IRAK3: variants seen among roughly 807,000 people sequenced by gnomAD.
IRAK3 encodes the protein interleukin-1 receptor-associated kinase 3.
IRAK3 carries 57 observed loss-of-function variants against 56.6 expected under a neutral mutation model. The ratio of observed to expected loss-of-function variants is 1.01; its 90% CI spans 0.81 to 1.26. IRAK3 has a LOEUF of 1.26. Among genes scored for constraint, IRAK3 ranks in the 50% most tolerant of loss-of-function variants. The pLI is 0.00. For missense variants in IRAK3, 703 were observed against 719.0 expected (o/e 0.98, Z 0.25); for synonymous variants, 258 against 255.7 (o/e 1.01, Z -0.09).
chr12:66,247,442 A>T (rs1284656305), intron 11 of IRAK3, among the ~76,000 whole-genome samples: 1 of 152,222 alleles, frequency 6.6e-6, no homozygotes, highest in Non-Finnish European at 1.5e-5. Flanking sequence ...GTTGGTGGCA[A>T]ATCTGAGGCT....
chr12:66,240,670 C>A (rs570358002), intron 8 of IRAK3, among the ~76,000 whole-genome samples: 5 of 151,854 alleles, frequency 3.3e-5, no homozygotes, highest in Admixed American at 2.0e-4. Context: ...CCAGAGGGGC[C>A]GTTGGGTCCT....
chr12:66,245,482 A>T (rs2053020540), intron 11 of IRAK3, among the ~76,000 whole-genome samples: 1 of 151,510 alleles, frequency 6.6e-6, no homozygotes. Context: ...CAAAAAATTT[A>T]ATGTAAAGAC....
Position 66,247,856 on chromosome 12 carries a change from T to G in IRAK3, c.1476T>G (p.Ser492=), listed in dbSNP as rs1406432087. 12 of 1,614,068 alleles carry G rather than the reference T, an allele frequency of 7.4e-6. No individual in the cohort carries two copies. Among genetic ancestry groups the G allele is most frequent in the Non-Finnish European group, 8.5e-6 (10 of 1,180,014 alleles). The part of the protein sequence containing the change: ...DESQNNNLLP[S]DEGLRIDRMT... ...GCCAGAATAACAATTTACTACCTTCTGATGAAGGCCTGAGGATAGACAGAA... is the reference window on the plus strand; with the variant it reads ...GCCAGAATAACAATTTACTACCTTCGGATGAAGGCCTGAGGATAGACAGAA... Residue 492 remains serine, a synonymous_variant, in exon 12 of 12, where the codon TCT becomes TCG. Coordinates refer to ENST00000261233, the MANE Select transcript of IRAK3 (RefSeq NM_007199.3).
intron 1 of IRAK3, among the ~76,000 whole-genome samples, chr12:66,192,909 C>T (rs887145003): frequency 6.6e-6 from 1 of 152,128 alleles, no homozygotes; most frequent in Admixed American, 6.5e-5. Flanking sequence ...TTCTAAATGG[C>T]ACACTAAGAT....
At chr12:66,220,514 CT>C (rs1555203808) in intron 6 of IRAK3, among the ~76,000 whole-genome samples, 120 of 67,316 alleles carry the variant, frequency 1.8e-3, no homozygotes, top group African/African-American at 2.9e-3. Flanking sequence ...GTTCTTCTTT[CT>C]TTTTTTTTTT....
chr12:66,245,849 C>T (rs2053027824), intron 11 of IRAK3, among the ~76,000 whole-genome samples: 1 of 152,022 alleles, frequency 6.6e-6, no homozygotes. Context: ...ATATATTTTC[C>T]TTATCCATTT....
chr12:66,196,802 A>C, intron 1 of IRAK3: 1 of 1,379,874 alleles, frequency 7.2e-7, no homozygotes, highest in Non-Finnish European at 9.5e-7. Context: ...TTTAACCTTA[A>C]AAGTTCTTTT....
chr12:66,243,720 T>C (rs2052996739), intron 8 of IRAK3, among the ~76,000 whole-genome samples: 1 of 152,164 alleles, frequency 6.6e-6, no homozygotes, highest in African/African-American at 2.4e-5. Context: ...CGAAGGAAAC[T>C]GTGGGTGGTC....
chr12:66,249,194 C>CGCTCT lies in IRAK3; in HGVS notation c.*1025_*1029dup, dbSNP rs1303419428. ...TCTTTTTTTTTTTGAGACGGAGTCT[C>CGCTCT]GCTCTGTCATCCAGGCTGGAGTGCA... is the stretch of plus-strand genomic sequence containing the variant. On this transcript the variant is annotated 3_prime_UTR_variant, in exon 12 of 12. Transcript: ENST00000261233. 6.6e-6 allele frequency: 1 copy of CGCTCT among 151,586 alleles called. No homozygotes were observed. Among genetic ancestry groups the CGCTCT allele is most frequent in the Non-Finnish European group, 1.5e-5 (1 of 67,974 alleles). The allele number at this position is 151,586 out of a possible 1,614,324, so 9.4% of individuals were successfully genotyped here.
rs745761126 is a variant in IRAK3 at position 66,203,884 on chromosome 12, A to ATGG, written c.307_308insTGG (p.Thr103delinsMetAla). On this transcript the variant is annotated protein_altering_variant, in exon 2 of 12. Transcript: ENST00000261233. The stretch of plus-strand genomic sequence containing the variant: ...ACATCGTCGAGCTATTCATTTAATT[A>ATGG]CAAACTATGGTAAATGCTGATTCTT... The ATGG allele has an allele frequency of 9.1e-5, 146 of 1,613,140 alleles. No individual in the cohort carries two copies. Among genetic ancestry groups the ATGG allele is most frequent in the Non-Finnish European group, 1.2e-4 (143 of 1,179,070 alleles).
At chr12:66,197,160 T>A in intron 1 of IRAK3, 1 of 1,282,372 alleles carries the variant, frequency 7.8e-7, no homozygotes, top group Non-Finnish European at 9.8e-7. Context: ...AACAAAGATT[T>A]GTGTTCCAAA....
chr12:66,196,110 C>CAT (rs1219143978), intron 1 of IRAK3, among the ~76,000 whole-genome samples: 10 of 151,562 alleles, frequency 6.6e-5, no homozygotes, highest in African/African-American at 2.4e-4. Flanking sequence ...TATATGTAAA[C>CAT]ATATATATGT....
intron 2 of IRAK3, among the ~76,000 whole-genome samples, chr12:66,208,327 AC>A (rs2052576704): frequency 9.8e-6 from 1 of 101,764 alleles, no homozygotes; most frequent in African/African-American, 1.0e-4. Flanking sequence ...TCATTGATAC[AC>A]ACACACACAC....
intron 1 of IRAK3, among the ~76,000 whole-genome samples, chr12:66,195,489 G>C (rs181555418): frequency 1.0e-3 from 158 of 152,258 alleles, no homozygotes; most frequent in Non-Finnish European, 2.0e-3. Flanking sequence ...CTGAAGTCCT[G>C]TGTGGCTTTT....
chr12:66,247,633 A>G, intron 11 of IRAK3, 62 bp from the exon 12 acceptor site: 3 of 1,041,048 alleles, frequency 2.9e-6, no homozygotes, highest in South Asian at 2.5e-5. Context: ...GTAGAGTGAT[A>G]AAAGGTAAAA....
rs2052807188 is a variant in IRAK3, at chr12:66,228,155, G to A, written c.769-97G>A. ...TGATTCACCCACCTCACCCCACCTTGCTATCTACTTCTATTCTGGTGTATG... is the reference window on the plus strand; with the variant it reads ...TGATTCACCCACCTCACCCCACCTTACTATCTACTTCTATTCTGGTGTATG... On this transcript the variant is annotated intron_variant, in intron 7 of 11. Transcript: ENST00000261233. The A allele has an allele frequency of 4.5e-6, 4 of 897,690 alleles. No homozygotes were observed. In the South Asian group the frequency reaches 5.2e-5, roughly 12 times the overall value. The allele number at this position is 897,690 out of a possible 1,614,324, so 55.6% of individuals were successfully genotyped here. A position where few individuals can be genotyped will look rare whatever the true frequency, so the allele number is the denominator to read the frequency against.
chr12:66,244,750 T>G, intron 9 of IRAK3, 66 bp downstream of exon 9: 2 of 1,442,160 alleles, frequency 1.4e-6, no homozygotes, highest in South Asian at 2.3e-5. Flanking sequence ...TTCTAAGAAT[T>G]TTTTAAAGAG....
intron 6 of IRAK3, among the ~76,000 whole-genome samples, chr12:66,226,287 G>T (rs190593831): frequency 1.3e-5 from 2 of 151,792 alleles, no homozygotes; most frequent in Admixed American, 6.6e-5. Context: ...TGTCGCACAG[G>T]CTGGAGGGTA....
rs1273086963 is a variant in IRAK3 at position 66,245,676 on chromosome 12, GC to G, written c.1314+415del. On this transcript the variant is annotated intron_variant, in intron 11 of 11. Transcript: ENST00000261233. ...CCTCCCAAGTAGCTGGGATTATTAG[GC>G]ACGAGCCACCACGCCTGGCTAATTT... Among the ~76,000 whole-genome samples, 9 of 149,468 alleles carry G rather than the reference GC, an allele frequency of 6.0e-5. No homozygotes were observed. The East Asian group carries it at 1.8e-3, about 30-fold the overall frequency.
Sources: gnomAD v4.1 joint callset for allele counts (sites outside exome capture counted in the v4.1 genomes callset) on GRCh38, gnomAD v4.1.1 for gene constraint, MANE v1.5 for transcripts, NCBI Gene and HGNC (gene_info 2026-07-23, HGNC 2026-07-21) for gene names.